FOXP1: variants seen among roughly 807,000 people sequenced by gnomAD.
The protein encoded by FOXP1 is forkhead box P1.
FOXP1 carries 15 observed loss-of-function variants against 98.2 expected under a neutral mutation model. The observed-to-expected ratio is 0.15, with a 90% CI of 0.10 to 0.24. The LOEUF is 0.24. FOXP1 is among the 10% of genes least tolerant of loss of function. The pLI is 1.00. For missense variants in FOXP1, 633 were observed against 848.5 expected (o/e 0.75, Z 3.15); for synonymous variants, 371 against 314.5 (o/e 1.18, Z -1.90).
chr3:71,305,988 G>C (rs1262450877), intron 4 of FOXP1: 3 of 152,626 alleles, frequency 2.0e-5, no homozygotes, highest in African/African-American at 7.2e-5. Flanking sequence ...AAGCCTGCTG[G>C]CTCTCAGGGC....
intron 6 of FOXP1, among the ~76,000 whole-genome samples, chr3:71,143,775 C>T (rs1446809523): frequency 6.6e-6 from 1 of 152,116 alleles, no homozygotes; most frequent in African/African-American, 2.4e-5. Context: ...AGAGAGTGTC[C>T]AGCACTTCAT....
intron 3 of FOXP1, among the ~76,000 whole-genome samples, chr3:71,382,913 C>G (rs1219289681): frequency 6.6e-6 from 1 of 152,154 alleles, no homozygotes. Flanking sequence ...TTTGGGGATC[C>G]CAGGCCTTGG....
chr3:71,175,869 C>T (rs1220837613), intron 6 of FOXP1, among the ~76,000 whole-genome samples: 4 of 152,260 alleles, frequency 2.6e-5, no homozygotes, highest in African/African-American at 9.6e-5. Context: ...TTGACTGGAG[C>T]AGTGTTCTAT....
intron 5 of FOXP1, among the ~76,000 whole-genome samples, chr3:71,285,119 C>T (rs2071972122): frequency 6.6e-6 from 1 of 152,234 alleles, no homozygotes; most frequent in South Asian, 2.1e-4. Flanking sequence ...AAATAAAGAA[C>T]ATTAACCCCA....
intron 19 of FOXP1, chr3:70,968,427 G>GTTAA (rs992770910): frequency 6.7e-6 from 1 of 148,804 alleles, no homozygotes; most frequent in African/African-American, 2.5e-5. Context: ...CAAAAATGGA[G>GTTAA]TTAATTATAT....
At chr3:71,031,729 C>T (rs1405888875) in intron 11 of FOXP1, among the ~76,000 whole-genome samples, 1 of 151,492 alleles carries the variant, frequency 6.6e-6, no homozygotes, top group Non-Finnish European at 1.5e-5. Context: ...AAATGCTAAA[C>T]AAACAAACAA....
At position 71,031,725 on chromosome 3, in the gene FOXP1, T is replaced by TAAAC. The variant is rs200881864; in HGVS notation, c.869+9599_869+9602dup. On this transcript the variant is annotated intron_variant, in intron 11 of 20. Transcript: ENST00000649528. ...AAATAGTTTTCACAATGGAAAATGC[T>TAAAC]AAACAAACAAACAAACAAACAAAAA... Among the ~76,000 whole-genome samples the TAAAC allele has an allele frequency of 8.1e-3, 1,237 of 151,872 alleles. 13 individuals are homozygous for TAAAC. Among genetic ancestry groups the TAAAC allele is most frequent in the African/African-American group, 0.028 (1,162 of 41,290 alleles).
At chr3:71,199,422 T>C (rs1008307773) in intron 5 of FOXP1, among the ~76,000 whole-genome samples, 16 of 151,906 alleles carry the variant, frequency 1.1e-4, no homozygotes, top group Admixed American at 2.6e-4. Flanking sequence ...GTACTAAAAT[T>C]CTAATAGAAA....
At chr3:71,285,326 T>C (rs1288829) in intron 5 of FOXP1, among the ~76,000 whole-genome samples, 97,843 of 152,140 alleles carry the variant, frequency 0.64, 33,210 homozygotes, top group East Asian at 0.93. Context: ...TCTCATGCTA[T>C]ACAAAACTCA....
intron 6 of FOXP1, among the ~76,000 whole-genome samples, chr3:71,119,453 T>G (rs1464845873): frequency 6.6e-6 from 1 of 152,088 alleles, no homozygotes; most frequent in African/African-American, 2.4e-5. Flanking sequence ...TTTCAGATAA[T>G]TTCATGGACT....
At chr3:71,397,099 T>TATATATATGTGTATATATATATATACAC (rs2081576829) in intron 3 of FOXP1, among the ~76,000 whole-genome samples, 1 of 55,882 alleles carries the variant, frequency 1.8e-5, no homozygotes, top group Non-Finnish European at 4.0e-5. Flanking sequence ...TATATATATA[T>TATATATATGTGTATATATATATATACAC]ACATATATAT....
At chr3:71,171,978 TA>T (rs1437366468) in intron 6 of FOXP1, among the ~76,000 whole-genome samples, 1 of 152,190 alleles carries the variant, frequency 6.6e-6, no homozygotes, top group Non-Finnish European at 1.5e-5. Flanking sequence ...AATTATTTAT[TA>T]AAAATCTCCC....
chr3:71,015,472 G>T, intron 12 of FOXP1, 77 bp downstream of exon 12: 1 of 975,352 alleles, frequency 1.0e-6, no homozygotes, highest in Non-Finnish European at 1.6e-6. Flanking sequence ...CATCAAAAAG[G>T]CATTTTATGA....
chr3:71,108,487 TG>T (rs1419456464), intron 7 of FOXP1, among the ~76,000 whole-genome samples: 1 of 152,224 alleles, frequency 6.6e-6, no homozygotes, highest in Non-Finnish European at 1.5e-5. Flanking sequence ...AAGCCTATGC[TG>T]GGCACAGTGG....
At chr3:71,475,965 G>C (rs962543198) in intron 3 of FOXP1, among the ~76,000 whole-genome samples, 7 of 151,070 alleles carry the variant, frequency 4.6e-5, no homozygotes, top group Non-Finnish European at 1.0e-4. Flanking sequence ...ATGATTTGGG[G>C]ATACCTTTAC....
At chr3:71,298,464 CAAAAAGAAAA>C (rs1206518029) in intron 5 of FOXP1, among the ~76,000 whole-genome samples, 130 of 141,502 alleles carry the variant, frequency 9.2e-4, no homozygotes, top group African/African-American at 3.2e-3. Context: ...AACTCCGTCT[CAAAAAGAAAA>C]AAAAAGAAAA....
At chr3:71,367,667 CTG>C (rs1357951643) in intron 3 of FOXP1, among the ~76,000 whole-genome samples, 5 of 152,176 alleles carry the variant, frequency 3.3e-5, no homozygotes, top group Non-Finnish European at 7.3e-5. Context: ...TATAAACACT[CTG>C]TGTTTTCCTC....
At chr3:71,338,190 G>A (rs753981706) in intron 4 of FOXP1, among the ~76,000 whole-genome samples, 3 of 152,208 alleles carry the variant, frequency 2.0e-5, no homozygotes, top group Non-Finnish European at 4.4e-5. Flanking sequence ...GCAAAAACAT[G>A]TGTTACATAA....
intron 4 of FOXP1, among the ~76,000 whole-genome samples, chr3:71,352,487 A>AAC (rs2077861360): frequency 6.6e-6 from 1 of 150,872 alleles, no homozygotes; most frequent in Non-Finnish European, 1.5e-5. Context: ...AAAAAAAAAA[A>AAC]AAAAAACACA....
Sources: allele counts gnomAD v4.1 joint callset (sites outside exome capture counted in the v4.1 genomes callset), GRCh38; gene constraint gnomAD v4.1.1; transcripts MANE v1.5; gene names NCBI Gene and HGNC (gene_info 2026-07-23, HGNC 2026-07-21).